Variants in STAU1 observed in about 807,000 individuals in gnomAD.
STAU1 encodes the protein staufen double-stranded RNA binding protein 1.
A neutral mutation model predicts 62.9 loss-of-function variants in STAU1; 13 were observed. The observed-to-expected ratio is 0.21, with a 90% CI of 0.13 to 0.33. The LOEUF is 0.33. Ranked by LOEUF, STAU1 falls within the 10% of genes least tolerant of loss-of-function variation. The pLI is 1.00. For synonymous variants in STAU1, 269 were observed against 265.1 expected, an observed-to-expected ratio of 1.01 and a Z score of -0.14; for missense variants, 571 against 712.1, an observed-to-expected ratio of 0.80 and a Z score of 2.25.
intron 6 of STAU1, 58 bp downstream of exon 6, chr20:49,135,773 CTT>C (rs886738125): frequency 2.1e-5 from 27 of 1,305,552 alleles, no homozygotes; most frequent in Middle Eastern, 1.9e-4. Flanking sequence ...AAAAATAACT[CTT>C]ATGATGAATG....
intron 5 of STAU1, among the ~76,000 whole-genome samples, chr20:49,143,922 C>G (rs2093065767): frequency 1.3e-5 from 2 of 152,224 alleles, no homozygotes; most frequent in South Asian, 2.1e-4. Flanking sequence ...AGCTGGGGCA[C>G]AGCCCACCTG....
chr20:49,184,096 ATTTTT>A (rs565168331), intron 1 of STAU1, among the ~76,000 whole-genome samples: 6 of 151,688 alleles, frequency 4.0e-5, no homozygotes, highest in African/African-American at 1.5e-4. Flanking sequence ...AGCCCGGCTA[ATTTTT>A]TTTATTTTTA....
At chr20:49,119,485 TC>T (rs1568818790) in intron 9 of STAU1, among the ~76,000 whole-genome samples, 1 of 152,192 alleles carries the variant, frequency 6.6e-6, no homozygotes, top group Non-Finnish European at 1.5e-5. Flanking sequence ...GGGATTATTT[TC>T]ATCTGATGTT....
At chr20:49,126,298 A>C (rs1048507976) in intron 6 of STAU1, among the ~76,000 whole-genome samples, 1 of 151,856 alleles carries the variant, frequency 6.6e-6, no homozygotes, top group Non-Finnish European at 1.5e-5. Flanking sequence ...AGGGTGGCTC[A>C]TGCCTGTAAT....
intron 13 of STAU1, 127 bp from the exon 14 acceptor site, chr20:49,115,020 A>T: frequency 2.0e-6 from 2 of 976,844 alleles, no homozygotes; most frequent in Non-Finnish European, 3.1e-6. Context: ...TTATGATAAC[A>T]AAAGTTTTCC....
At chr20:49,216,829 C>G in the STAU1 span, among the ~76,000 whole-genome samples, 1 of 152,132 alleles carries the variant, frequency 6.6e-6, no homozygotes, top group Non-Finnish European at 1.5e-5. Context: ...TCTTTGACCT[C>G]CAAGGATCTC....
chr20:49,131,418 T>C (rs1333263240), intron 6 of STAU1, among the ~76,000 whole-genome samples: 2 of 152,214 alleles, frequency 1.3e-5, no homozygotes, highest in African/African-American at 4.8e-5. Flanking sequence ...ATTGTGGTTA[T>C]TTAAGAGAAT....
intron 6 of STAU1, among the ~76,000 whole-genome samples, chr20:49,127,092 C>T (rs373729607): frequency 1.3e-4 from 20 of 152,166 alleles, no homozygotes; most frequent in East Asian, 3.9e-4. Context: ...CGGTGGCTCA[C>T]GCCTGTAATC....
At chr20:49,168,377 T>G (rs79561478) in intron 2 of STAU1, among the ~76,000 whole-genome samples, 1,799 of 152,268 alleles carry the variant, frequency 0.012, 41 homozygotes, top group African/African-American at 0.04. Flanking sequence ...CACCGCACTC[T>G]GCTCAAGTCA....
At chr20:49,175,572 C>T (rs569470722) in intron 1 of STAU1, among the ~76,000 whole-genome samples, 34 of 151,094 alleles carry the variant, frequency 2.3e-4, no homozygotes, top group African/African-American at 6.3e-4. Flanking sequence ...CTCCGCCTCC[C>T]GGGTTCAAGC....
chr20:49,136,560 T>G (rs987874557), intron 5 of STAU1, among the ~76,000 whole-genome samples: 2 of 152,226 alleles, frequency 1.3e-5, no homozygotes, highest in African/African-American at 4.8e-5. Flanking sequence ...AACAGTGACT[T>G]CCAAAAGTCC....
At chr20:49,147,114 G>A (rs2093146629) in intron 5 of STAU1, among the ~76,000 whole-genome samples, 1 of 152,156 alleles carries the variant, frequency 6.6e-6, no homozygotes, top group Non-Finnish European at 1.5e-5. Flanking sequence ...AGTATCAGCC[G>A]AAATGTCTCT....
chr20:49,185,514 G>GAGA (rs1420727438), intron 1 of STAU1, among the ~76,000 whole-genome samples: 1 of 152,208 alleles, frequency 6.6e-6, no homozygotes, highest in Non-Finnish European at 1.5e-5. Flanking sequence ...AAACAAAAAT[G>GAGA]AGAACTATTA....
At chr20:49,146,096 C>T (rs2093125334) in intron 5 of STAU1, among the ~76,000 whole-genome samples, 1 of 151,998 alleles carries the variant, frequency 6.6e-6, no homozygotes, top group African/African-American at 2.4e-5. Context: ...ATGGTGAAAC[C>T]TCGTCTCTAC....
intron 6 of STAU1, among the ~76,000 whole-genome samples, chr20:49,125,928 G>C (rs2092602924): frequency 6.6e-6 from 1 of 151,978 alleles, no homozygotes; most frequent in South Asian, 2.1e-4. Context: ...TGATAGTTTT[G>C]ACTTCTGGAA....
Position 49,114,791 on chromosome 20 carries a change from G to A in STAU1, c.*87C>T. The stretch of plus-strand genomic sequence containing the variant: ...CACCGTGTCTCTCGGCCCACTGGAG[G>A]TATCAGAAATTCCAAATTTTCAAAG... On this transcript the variant is annotated 3_prime_UTR_variant, in exon 14 of 14. Transcript: ENST00000371856. The A allele has an allele frequency of 7.8e-7, 1 of 1,279,018 alleles. No individual in the cohort carries two copies. Among genetic ancestry groups the A allele is most frequent in the Non-Finnish European group, 1.1e-6 (1 of 883,718 alleles). 79.2% of individuals were successfully genotyped at this position (1,279,018 alleles called of 1,614,324 possible). A position where few individuals can be genotyped will look rare whatever the true frequency, so the allele number is the denominator to read the frequency against.
the STAU1 span, among the ~76,000 whole-genome samples, chr20:49,211,878 T>C: frequency 1.3e-5 from 2 of 152,358 alleles, no homozygotes; most frequent in Admixed American, 1.3e-4. Flanking sequence ...GCTAATTCTA[T>C]GTTAACTTTT....
the STAU1 span, among the ~76,000 whole-genome samples, chr20:49,197,078 G>T: frequency 6.6e-6 from 1 of 151,518 alleles, no homozygotes; most frequent in African/African-American, 2.4e-5. Context: ...TAGCTTGAAC[G>T]CGGGAGGTGG....
chr20:49,123,718 CCTCA>C (rs2092523355), intron 7 of STAU1, among the ~76,000 whole-genome samples: 1 of 152,166 alleles, frequency 6.6e-6, no homozygotes, highest in Non-Finnish European at 1.5e-5. Flanking sequence ...GCCAAGGAAC[CCTCA>C]CTCTGCTGAT....
Sources: gnomAD v4.1 joint callset for allele counts (sites outside exome capture counted in the v4.1 genomes callset) on GRCh38, gnomAD v4.1.1 for gene constraint, MANE v1.5 for transcripts, NCBI Gene and HGNC (gene_info 2026-07-23, HGNC 2026-07-21) for gene names.